Variants in DENND1B observed in about 807,000 individuals in gnomAD.
DENND1B encodes DENN domain-containing protein 1B.
Under a neutral mutation model 90.1 loss-of-function variants are expected in DENND1B, and 59 were observed. The ratio of observed to expected loss-of-function variants is 0.65; its 90% CI spans 0.53 to 0.81. DENND1B has a LOEUF of 0.81. DENND1B is among the 40% of genes least tolerant of loss of function. The pLI is 0.00. For missense variants in DENND1B, 862 were observed against 912.6 expected (o/e 0.94, Z 0.71); for synonymous variants, 337 against 324.6 (o/e 1.04, Z -0.41).
At position 197,507,571 on chromosome 1, in the gene DENND1B, G is replaced by T. The variant is rs1335801120; in HGVS notation, c.*2889C>A. ...ATTCAGAAAGAACCATGACTCCATT[G>T]CAGGCCAGATAAAGACTATGTACCA... On this transcript the variant is annotated 3_prime_UTR_variant, in exon 23 of 23. Coordinates refer to ENST00000620048, the MANE Select transcript of DENND1B (RefSeq NM_001195215.2). The T allele has an allele frequency of 3.3e-5, 5 of 151,484 alleles. 1 individual carries two copies. The highest frequency in any genetic ancestry group is 2.6e-4 in the Admixed American group (4 of 15,162). 9.4% of individuals were successfully genotyped at this position (151,484 alleles called of 1,614,324 possible).
At chr1:197,562,427 C>G (rs188832230) in intron 15 of DENND1B, among the ~76,000 whole-genome samples, 22 of 151,994 alleles carry the variant, frequency 1.4e-4, no homozygotes, top group African/African-American at 5.3e-4. Context: ...GAAACTCTTA[C>G]AATATTTCAA....
intron 15 of DENND1B, among the ~76,000 whole-genome samples, chr1:197,569,647 A>G (rs1428012018): frequency 1.3e-5 from 2 of 152,034 alleles, no homozygotes; most frequent in African/African-American, 2.4e-5. Flanking sequence ...CAACTGCAAC[A>G]ACATGATTCA....
At chr1:197,734,255 AC>A in intron 2 of DENND1B, 1 of 909,724 alleles carries the variant, frequency 1.1e-6, no homozygotes, top group Non-Finnish European at 1.3e-6. Context: ...TCTTATAAAA[AC>A]TATCTGTAAA....
chr1:197,623,739 G>T (rs770862513), intron 10 of DENND1B, among the ~76,000 whole-genome samples: 6 of 151,332 alleles, frequency 4.0e-5, no homozygotes, highest in Non-Finnish European at 7.4e-5. Context: ...AACCTATATT[G>T]ATACATCATT....
At chr1:197,674,669 A>G (rs899474356) in intron 3 of DENND1B, among the ~76,000 whole-genome samples, 1 of 6,726 alleles carries the variant, frequency 1.5e-4, no homozygotes, top group African/African-American at 4.1e-4. Context: ...CAAACAGTTA[A>G]AAAAAAAAAA....
chr1:197,767,289 A>G (rs1655816492), intron 2 of DENND1B, among the ~76,000 whole-genome samples: 1 of 152,046 alleles, frequency 6.6e-6, no homozygotes, highest in East Asian at 1.9e-4. Flanking sequence ...AAGTGCTAAA[A>G]TACCAAGCAG....
intron 15 of DENND1B, among the ~76,000 whole-genome samples, chr1:197,554,702 C>T (rs1050416025): frequency 1.7e-4 from 25 of 151,444 alleles, no homozygotes; most frequent in African/African-American, 5.8e-4. Flanking sequence ...ATTAGCTGGA[C>T]GTGGTGGCGC....
At chr1:197,781,861 T>A in the DENND1B span, among the ~76,000 whole-genome samples, 1 of 152,250 alleles carries the variant, frequency 6.6e-6, no homozygotes, top group Non-Finnish European at 1.5e-5. Context: ...TGATGATATT[T>A]GTATATCTTG....
chr1:197,652,151 A>G (rs1017607481), intron 7 of DENND1B, 84 bp downstream of exon 7: 1 of 1,069,876 alleles, frequency 9.3e-7, no homozygotes, highest in African/African-American at 1.6e-5. Context: ...GACTTGGTAA[A>G]GAATTGCCTG....
At chr1:197,688,706 G>C (rs188477966) in intron 3 of DENND1B, 8 of 152,416 alleles carry the variant, frequency 5.2e-5, no homozygotes, top group African/African-American at 1.9e-4. Context: ...TTTGGCAAAG[G>C]GTTTGCCACC....
chr1:197,774,724 C>T (rs1237175336), intron 1 of DENND1B: 1 of 157,228 alleles, frequency 6.4e-6, no homozygotes, highest in African/African-American at 2.4e-5. Flanking sequence ...GAATAATAAC[C>T]TCTTAACCTC....
In DENND1B at chr1:197,510,342, G is replaced by C; in HGVS notation, c.*118C>G. 8.8e-7 allele frequency: 1 copy of C among 1,139,264 alleles called. No homozygotes were observed. Among genetic ancestry groups the C allele is most frequent in the Non-Finnish European group, 1.2e-6 (1 of 829,632 alleles). 70.6% of individuals were successfully genotyped at this position (1,139,264 alleles called of 1,614,324 possible). A position where few individuals can be genotyped will look rare whatever the true frequency, so the allele number is the denominator to read the frequency against. On this transcript the variant is annotated 3_prime_UTR_variant, in exon 23 of 23. Coordinates refer to ENST00000620048, the MANE Select transcript of DENND1B (RefSeq NM_001195215.2). ...CTCGAAATGAACAAGTGAGAAAAAT[G>C]TTGCAAATGCAAAAAAAAATTTAAA...
intron 2 of DENND1B, among the ~76,000 whole-genome samples, chr1:197,736,335 T>TGTCG (rs1302139405): frequency 2.0e-5 from 3 of 152,046 alleles, no homozygotes; most frequent in African/African-American, 7.2e-5. Flanking sequence ...TCTTTCTACC[T>TGTCG]GTCTGTCTGT....
chr1:197,601,899 G>T (rs1350896024), intron 13 of DENND1B, among the ~76,000 whole-genome samples: 1 of 151,382 alleles, frequency 6.6e-6, no homozygotes, highest in Non-Finnish European at 1.5e-5. Context: ...GAAAACAGTT[G>T]GGAGAACAGC....
intron 15 of DENND1B, among the ~76,000 whole-genome samples, chr1:197,569,133 A>G (rs1195472444): frequency 6.6e-6 from 1 of 152,144 alleles, no homozygotes; most frequent in African/African-American, 2.4e-5. Context: ...GAAAAAAAAC[A>G]TTGATCATAA....
At chr1:197,762,632 TATATTGG>T (rs1655228302) in intron 2 of DENND1B, among the ~76,000 whole-genome samples, 1 of 152,220 alleles carries the variant, frequency 6.6e-6, no homozygotes, top group Non-Finnish European at 1.5e-5. Context: ...CCTCATATTG[TATATTGG>T]ATTTCTAGAC....
intron 10 of DENND1B, among the ~76,000 whole-genome samples, chr1:197,639,880 C>T (rs1415175776): frequency 2.0e-5 from 3 of 152,186 alleles, no homozygotes; most frequent in Non-Finnish European, 4.4e-5. Context: ...TCAAGTAAAG[C>T]AGCTTCCTCC....
chr1:197,757,297 C>T (rs1052603080), intron 2 of DENND1B: 1 of 152,070 alleles, frequency 6.6e-6, no homozygotes, highest in African/African-American at 2.4e-5. Flanking sequence ...GTTCTGCCAT[C>T]CTACCTAGTA....
chr1:197,514,516 C>T (rs1287804808), intron 20 of DENND1B, among the ~76,000 whole-genome samples: 1 of 151,544 alleles, frequency 6.6e-6, no homozygotes, highest in Admixed American at 6.6e-5. Context: ...AGAGCTATAA[C>T]TTGAAATATT....
Sources: allele counts gnomAD v4.1 joint callset (sites outside exome capture counted in the v4.1 genomes callset), GRCh38; gene constraint gnomAD v4.1.1; transcripts MANE v1.5; gene names NCBI Gene and HGNC (gene_info 2026-07-23, HGNC 2026-07-21).